Variants in IGSF9 observed in about 807,000 individuals in gnomAD.
The protein encoded by IGSF9 is protein turtle homolog A.
IGSF9 carries 87 observed loss-of-function variants against 121.7 expected under a neutral mutation model. The observed-to-expected ratio is 0.71, with a 90% CI of 0.60 to 0.85. The LOEUF is 0.85. Ranked by LOEUF, IGSF9 falls within the 40% of genes least tolerant of loss-of-function variation. The probability of loss-of-function intolerance (pLI) is 0.00; values close to 1 mark genes in which losing one functional copy is unlikely to be tolerated. For missense variants in IGSF9, 1,462 were observed against 1,565.3 expected (o/e 0.93, Z 1.11); for synonymous variants, 640 against 648.4 (o/e 0.99, Z 0.20).
chr1:159,929,755 C>T lies in IGSF9; in HGVS notation c.2209G>A (p.Ala737Thr). 1.2e-6 allele frequency: 2 copies of T among 1,605,428 alleles called. No homozygotes were observed. Among genetic ancestry groups the T allele is most frequent in the Non-Finnish European group, 1.7e-6 (2 of 1,176,546 alleles). Reference sequence around the variant, plus strand: ...AAGCAGACTCCGCCCACCACGCCGGCCAGCACGGGCTGAGGCAGGAGGCCC... The same window carrying T: ...AAGCAGACTCCGCCCACCACGCCGGTCAGCACGGGCTGAGGCAGGAGGCCC... ...LPGLLPQPVLAGVVGGVCFLG... is the reference protein window; with the variant it reads ...LPGLLPQPVLTGVVGGVCFLG... The change falls in exon 17 of 21, where the codon GCC (alanine) becomes ACC (threonine). Residue 737 changes from alanine to threonine, a missense_variant. Coordinates refer to ENST00000368094, the MANE Select transcript of IGSF9 (RefSeq NM_001135050.2).
Position 159,928,355 on chromosome 1 carries a change from G to A in IGSF9, c.3033C>T (p.Gly1011=), listed in dbSNP as rs1411569007. ...TGCCTCGAGGGGCAGCAGGGAGAAGGCCTGGCAGCAGCCGCTCCCTCAGTG... is the reference window on the plus strand; with the variant it reads ...TGCCTCGAGGGGCAGCAGGGAGAAGACCTGGCAGCAGCCGCTCCCTCAGTG... ...DWTLRERLLP[G]LLPAAPRGSL... Residue 1011 remains glycine, a synonymous_variant, in exon 19 of 21, where the codon GGC becomes GGT. Coordinates refer to ENST00000368094, the MANE Select transcript of IGSF9 (RefSeq NM_001135050.2). The A allele has an allele frequency of 1.2e-6, 2 of 1,609,428 alleles. No individual in the cohort carries two copies. The highest frequency in any genetic ancestry group is 1.3e-5 in the African/African-American group (1 of 74,882).
At position 159,928,914 on chromosome 1, in the gene IGSF9, C is replaced by G. The variant is rs1296356060; in HGVS notation, c.2474G>C (p.Gly825Ala). 1 of 1,588,208 alleles carries G rather than the reference C, an allele frequency of 6.3e-7. No individual in the cohort carries two copies. The highest frequency in any genetic ancestry group is 8.6e-7 in the Non-Finnish European group (1 of 1,168,504). Residue 825 changes from glycine (G) to alanine (A), a missense_variant, in exon 19 of 21, where the codon GGA becomes GCA. Gly to Ala is a moderately conservative substitution (Grantham distance 60). Around this residue, in one of 3 missense-constraint regions of IGSF9, gnomAD observed 808 missense variants for 815.2 expected, o/e 0.99. Coordinates refer to ENST00000368094, the MANE Select transcript of IGSF9 (RefSeq NM_001135050.2). ...RQSLLWGDPA[G>A]TPSPHPDPPS... ...AGGATCCGGGTGGGGGCTGGGAGTT[C>G]CGGCAGGATCCCCCCAGAGCAGACT...
intron 19 of IGSF9, 121 bp from the exon 20 acceptor site, chr1:159,928,008 C>T (rs2101872836): frequency 2.7e-6 from 4 of 1,488,742 alleles, no homozygotes; most frequent in Non-Finnish European, 3.6e-6. Flanking sequence ...CTGAAAAATC[C>T]CTGGACCTCA....
At chr1:159,929,515 G>C in intron 17 of IGSF9, 122 bp from the exon 18 acceptor site, 1 of 1,484,774 alleles carries the variant, frequency 6.7e-7, no homozygotes. Flanking sequence ...GGCAGGACCA[G>C]ATGCAGGACT....
In IGSF9 at chr1:159,928,141, G is replaced by T; in HGVS notation, c.3230+17C>A. The stretch of plus-strand genomic sequence containing the variant: ...GGGACTGAGGCGGAGGCAGGGATGG[G>T]CAGGGACTGCTCTCACCTCTTGCTG... On this transcript the variant is annotated intron_variant, in intron 19 of 20. Coordinates refer to ENST00000368094, the MANE Select transcript of IGSF9 (RefSeq NM_001135050.2). 3 of 1,601,444 alleles carry T rather than the reference G, an allele frequency of 1.9e-6. No individual in the cohort carries two copies. Among genetic ancestry groups the T allele is most frequent in the Non-Finnish European group, 1.7e-6 (2 of 1,178,858 alleles).
chr1:159,928,174 C>T lies in IGSF9; in HGVS notation c.3214G>A (p.Val1072Met), dbSNP rs1384821783. The T allele has an allele frequency of 6.2e-7, 1 of 1,608,836 alleles. No homozygotes were observed. Among genetic ancestry groups the T allele is most frequent in the Non-Finnish European group, 8.5e-7 (1 of 1,179,838 alleles). ...PERWPRREHV[V>M]TVSKRRNTSV... ...TGCTCTCACCTCTTGCTGACTGTCACCACATGCTCCCTTCGGGGCCATCTC... is the reference window on the plus strand; with the variant it reads ...TGCTCTCACCTCTTGCTGACTGTCATCACATGCTCCCTTCGGGGCCATCTC... Residue 1072 changes from valine (V) to methionine (M), a missense_variant, in exon 19 of 21, where the codon GTG becomes ATG. By Grantham distance (21) the Val-to-Met change is conservative (BLOSUM62 1). Coordinates refer to ENST00000368094, the MANE Select transcript of IGSF9 (RefSeq NM_001135050.2).
intron 2 of IGSF9, 50 bp from the exon 3 acceptor site, chr1:159,943,201 G>T: frequency 4.0e-6 from 6 of 1,486,492 alleles, no homozygotes; most frequent in Non-Finnish European, 5.4e-6. Context: ...GGTCAGTGCT[G>T]GGAGGGGGAG....
At chr1:159,927,998 C>G in intron 19 of IGSF9, 111 bp from the exon 20 acceptor site, 1 of 1,494,096 alleles carries the variant, frequency 6.7e-7, no homozygotes, top group South Asian at 1.3e-5. Flanking sequence ...TGGGTTTCCC[C>G]TGAAAAATCC....
chr1:159,931,489 C>T lies in IGSF9; in HGVS notation c.1477G>A (p.Ala493Thr), dbSNP rs199563719. ...ACGTTCGTGGAGGTGGCCACTCGGG[C>T]CACAGCATTGCTGGCACTGCATTCC... is the stretch of plus-strand genomic sequence containing the variant. The part of the protein sequence containing the change: ...HWECSASNAV[A>T]RVATSTNVYV... The change falls in exon 12 of 21, where the codon GCC becomes ACC. Residue 493 changes from alanine to threonine, a missense_variant. Ala to Thr is a moderately conservative substitution (Grantham distance 58). Coordinates refer to ENST00000368094, the MANE Select transcript of IGSF9 (RefSeq NM_001135050.2). This position sits in a 1 kb window ranked among gnomAD's most constrained non-coding sequence, Gnocchi z 4.8. The T allele has an allele frequency of 3.7e-6, 6 of 1,614,108 alleles. No individual in the cohort carries two copies. Among genetic ancestry groups the T allele is most frequent in the Non-Finnish European group, 5.1e-6 (6 of 1,179,976 alleles).
chr1:159,930,835 C>T lies in IGSF9; in HGVS notation c.1670G>A (p.Trp557Ter). 2 of 1,612,692 alleles carry T rather than the reference C, an allele frequency of 1.2e-6. No homozygotes were observed. The highest frequency in any genetic ancestry group is 1.1e-5 in the South Asian group (1 of 90,942). Reference sequence around the variant, plus strand: ...CCCCACAGGCACTGCCAAGGACACCCAGTCATGGTGCATTCGGTCAGGACG... The same window carrying T: ...CCCCACAGGCACTGCCAAGGACACCTAGTCATGGTGCATTCGGTCAGGACG... ...AKRPDRMHHDWVSLAVPVGAA... is the reference protein window; with the variant it reads ...AKRPDRMHHD Residue 557 changes from tryptophan (W) to a stop codon, truncating the protein, a stop_gained, in exon 14 of 21, where the codon TGG (tryptophan) becomes TAG (stop). Transcript: ENST00000368094. LOFTEE classifies it high-confidence loss of function.
chr1:159,932,027 T>G lies in IGSF9; in HGVS notation c.1246-99A>C. ...CCTGTCATGCCATGTCTCACCTCAC[T>G]CTCCCTCACTCCCCCTAGCTAAACA... On this transcript the variant is annotated intron_variant, in intron 10 of 20. Coordinates refer to ENST00000368094, the MANE Select transcript of IGSF9 (RefSeq NM_001135050.2). The surrounding 1 kb of genome is among the most constrained non-coding windows in gnomAD (Gnocchi z 4.1). 1.4e-6 allele frequency: 1 copy of G among 713,592 alleles called. No homozygotes were observed. The highest frequency in any genetic ancestry group is 1.7e-5 in the South Asian group (1 of 57,476). The allele number at this position is 713,592 out of a possible 1,614,324, so 44.2% of individuals were successfully genotyped here.
Position 159,927,824 on chromosome 1 carries a change from C to G in IGSF9, c.3294G>C (p.Leu1098Phe). The G allele has an allele frequency of 6.2e-7, 1 of 1,613,604 alleles. No homozygotes were observed. The highest frequency in any genetic ancestry group is 8.5e-7 in the Non-Finnish European group (1 of 1,179,926). Reference sequence around the variant, plus strand: ...CCAAGCCCAGGTGCAAAGTCTCCAGCAATTCCATGTCCCCAGGGAATTCTG... The same window carrying G: ...CCAAGCCCAGGTGCAAAGTCTCCAGGAATTCCATGTCCCCAGGGAATTCTG... ...WDSEFPGDME[L>F]LETLHLGLAS... The change falls in exon 20 of 21, where the codon TTG becomes TTC. Residue 1098 changes from leucine to phenylalanine, a missense_variant. This residue lies in a region of IGSF9 where 808 missense variants were observed against 815.2 expected (regional missense o/e 0.99). Transcript: ENST00000368094.
At chr1:159,927,909 C>G in intron 19 of IGSF9, 22 bp from the exon 20 acceptor site, 1 of 1,561,644 alleles carries the variant, frequency 6.4e-7, no homozygotes, top group Non-Finnish European at 8.7e-7. Flanking sequence ...AAAAAAAAGA[C>G]AAACATATGG....
intron 1 of IGSF9, 131 bp from the exon 2 acceptor site, chr1:159,943,759 G>C (rs562630020): frequency 2.9e-5 from 10 of 342,102 alleles, no homozygotes; most frequent in Admixed American, 9.4e-5. Flanking sequence ...TAGGGGGAAG[G>C]GGGGGATCTT....
Position 159,929,713 on chromosome 1 carries a change from G to T in IGSF9, c.2251C>A (p.Leu751Ile). Residue 751 changes from leucine (L) to isoleucine (I), a missense_variant, in exon 17 of 21, where the codon CTT (leucine) becomes ATT (isoleucine). Coordinates refer to ENST00000368094, the MANE Select transcript of IGSF9 (RefSeq NM_001135050.2). ...GGVCFLGVAV[L>I]VSILAGCLLN... ...AGGCAGCCGGCCAGGATGCTCACAA[G>T]GACGGCCACTCCCAGAAAGCAGACT... 1 of 1,600,942 alleles carries T rather than the reference G, an allele frequency of 6.2e-7. No individual in the cohort carries two copies. Among genetic ancestry groups the T allele is most frequent in the East Asian group, 2.3e-5 (1 of 44,220 alleles).
rs143816509 is a variant in IGSF9 at position 159,943,045 on chromosome 1, G to C, written c.165C>G (p.Ile55Met). 6.2e-7 allele frequency: 1 copy of C among 1,613,298 alleles called. No homozygotes were observed. Among genetic ancestry groups the C allele is most frequent in the South Asian group, 1.1e-5 (1 of 90,940 alleles). The change falls in exon 3 of 21, where the codon ATC becomes ATG. Residue 55 changes from isoleucine (I) to methionine (M), a missense_variant. By Grantham distance (10) the Ile-to-Met change is conservative. Coordinates refer to ENST00000368094, the MANE Select transcript of IGSF9 (RefSeq NM_001135050.2). ...PPAGRPPLHV[I>M]EWLRFGFLLP... is the part of the protein sequence containing the mutation. ...GCAGGAATCCAAAGCGCAGCCACTC[G>C]ATGACATGCAGGGGGGGCCGGCCGG...
chr1:159,943,137 C>T lies in IGSF9; in HGVS notation c.73G>A (p.Glu25Lys), dbSNP rs1309312844. The T allele has an allele frequency of 1.3e-6, 2 of 1,594,846 alleles. No individual in the cohort carries two copies. Among genetic ancestry groups the T allele is most frequent in the Admixed American group, 3.7e-5 (2 of 54,100 alleles). The change falls in exon 3 of 21, where the codon GAG becomes AAG. Residue 25 changes from glutamate (E) to lysine (K), a missense_variant. Glu to Lys is a moderately conservative substitution (Grantham distance 56). Transcript: ENST00000368094. ...SQGADGRGKPEVVSVVGRAGE... is the reference protein window; with the variant it reads ...SQGADGRGKPKVVSVVGRAGE... Reference sequence around the variant, plus strand: ...GCCCGGCCCACCACCGATACCACCTCAGGCTTCCCTCGACCTGCATGATGG... The same window carrying T: ...GCCCGGCCCACCACCGATACCACCTTAGGCTTCCCTCGACCTGCATGATGG...
Position 159,943,589 on chromosome 1 carries a change from G to A in IGSF9, c.-135C>T, listed in dbSNP as rs1430111652. On this transcript the variant is annotated 5_prime_UTR_variant, in exon 2 of 21. Coordinates refer to ENST00000368094, the MANE Select transcript of IGSF9 (RefSeq NM_001135050.2). ...TCTGTACAGTGAGGGCTTGGCTCAT[G>A]TAACACCCGAGGAAGCTGCTCTCCG... is the stretch of plus-strand genomic sequence containing the variant. 14 of 741,594 alleles carry A rather than the reference G, an allele frequency of 1.9e-5. No individual in the cohort carries two copies. The South Asian group carries it at 4.3e-4, about 23-fold the overall frequency. The allele number at this position is 741,594 out of a possible 1,614,324, so 45.9% of individuals were successfully genotyped here.
chr1:159,930,077 G>A (rs1650935474), intron 15 of IGSF9, 102 bp from the exon 16 acceptor site: 1 of 1,546,544 alleles, frequency 6.5e-7, no homozygotes, highest in African/African-American at 1.4e-5. Context: ...GGGTGAGGTA[G>A]GACGCAGAGG....
Sources: gnomAD v4.1 joint callset for allele counts on GRCh38, gnomAD v4.1.1 for gene constraint, gnomAD v4.1.1 regional missense constraint, Gnocchi (gnomAD v3.1) non-coding constraint, MANE v1.5 for transcripts, NCBI Gene and HGNC (gene_info 2026-07-23, HGNC 2026-07-21) for gene names.